GALNTL6: variants seen among roughly 807,000 people sequenced by gnomAD.
The protein encoded by GALNTL6 is polypeptide N-acetylgalactosaminyltransferase like 6, also known as polypeptide N-acetylgalactosaminyltransferase-like 6.
Under a neutral mutation model 73.7 loss-of-function variants are expected in GALNTL6, and 46 were observed. The ratio of observed to expected loss-of-function variants is 0.62; its 90% CI spans 0.49 to 0.80. GALNTL6 has a LOEUF of 0.80. GALNTL6 is among the 30% of genes least tolerant of loss of function. The probability of loss-of-function intolerance (pLI) is 0.00; values close to 1 mark genes in which losing one functional copy is unlikely to be tolerated. For missense variants in GALNTL6, 604 were observed against 755.0 expected (o/e 0.80, Z 2.34); for synonymous variants, 259 against 263.7 (o/e 0.98, Z 0.17).
chr4:171,945,019 A>G (rs543263176), intron 2 of GALNTL6, among the ~76,000 whole-genome samples: 5 of 152,116 alleles, frequency 3.3e-5, no homozygotes, highest in Non-Finnish European at 7.4e-5. Context: ...TGTTTGCTGA[A>G]TCAAAAGTCA....
chr4:172,275,053 A>G (rs1725008036), intron 3 of GALNTL6, among the ~76,000 whole-genome samples: 1 of 152,198 alleles, frequency 6.6e-6, no homozygotes, highest in African/African-American at 2.4e-5. Context: ...AGGTCTGGTC[A>G]TGACATTTTC....
In GALNTL6 at chr4:172,119,088, G is replaced by A. The variant is rs554776386; in HGVS notation, c.139-110568G>A. Among the ~76,000 whole-genome samples the A allele has an allele frequency of 1.1e-4, 16 of 152,194 alleles. No homozygotes were observed. In the South Asian group the frequency reaches 3.3e-3, roughly 32 times the overall value. On this transcript the variant is annotated intron_variant, in intron 2 of 12. Coordinates refer to ENST00000506823, the MANE Select transcript of GALNTL6 (RefSeq NM_001034845.3). ...AAGCATACAGTGGGTTGTGTAAGCA[G>A]TGTGTGAATATTGGTTTCAATATTA...
intron 2 of GALNTL6, among the ~76,000 whole-genome samples, chr4:172,165,180 C>T (rs6829752): frequency 0.43 from 64,876 of 151,872 alleles, 14,679 homozygotes; most frequent in African/African-American, 0.57. Flanking sequence ...TTAATTTGTA[C>T]TGGATTTTAC....
intron 2 of GALNTL6, among the ~76,000 whole-genome samples, chr4:171,889,791 G>A (rs887852351): frequency 3.3e-5 from 5 of 152,154 alleles, no homozygotes; most frequent in African/African-American, 9.6e-5. Flanking sequence ...AGATGCTTTC[G>A]AATAAGTTAT....
chr4:172,009,052 A>T (rs576753771), intron 2 of GALNTL6, among the ~76,000 whole-genome samples: 1 of 152,132 alleles, frequency 6.6e-6, no homozygotes, highest in East Asian at 1.9e-4. Flanking sequence ...AGAAATACTA[A>T]ATTATATTAT....
intron 2 of GALNTL6, among the ~76,000 whole-genome samples, chr4:172,141,913 C>CACACACACA (rs1560939874): frequency 4.9e-5 from 5 of 102,576 alleles, no homozygotes; most frequent in South Asian, 7.7e-4. Context: ...ACACACACAC[C>CACACACACA]CCCCACACTC....
chr4:172,248,679 G>T (rs572385456), intron 3 of GALNTL6, among the ~76,000 whole-genome samples: 3 of 152,060 alleles, frequency 2.0e-5, no homozygotes, highest in Non-Finnish European at 4.4e-5. Context: ...AGAGGGATCC[G>T]GTGGGAGGTA....
At chr4:171,910,847 G>A (rs1737456283) in intron 2 of GALNTL6, among the ~76,000 whole-genome samples, 1 of 152,094 alleles carries the variant, frequency 6.6e-6, no homozygotes, top group Admixed American at 6.5e-5. Context: ...TATATACCAT[G>A]TTAATGGCAT....
chr4:172,792,006 C>T (rs1208572688), intron 5 of GALNTL6, among the ~76,000 whole-genome samples: 2 of 152,172 alleles, frequency 1.3e-5, no homozygotes, highest in African/African-American at 4.8e-5. Context: ...ATCTCACTGC[C>T]TAGAGGGCAT....
At chr4:172,354,954 A>C (rs1045062022) in intron 5 of GALNTL6, among the ~76,000 whole-genome samples, 14 of 152,116 alleles carry the variant, frequency 9.2e-5, no homozygotes, top group African/African-American at 2.9e-4. Flanking sequence ...TCAAGTGTTC[A>C]GGAATGCTAC....
chr4:171,814,951 G>A (rs970084576), intron 2 of GALNTL6: 3 of 566,064 alleles, frequency 5.3e-6, no homozygotes, highest in Admixed American at 3.1e-5. Flanking sequence ...AGGTCAAGAA[G>A]AAGAGAAGAT....
At chr4:172,792,395 T>A (rs1165470163) in intron 5 of GALNTL6, among the ~76,000 whole-genome samples, 1 of 152,132 alleles carries the variant, frequency 6.6e-6, no homozygotes, top group Non-Finnish European at 1.5e-5. Context: ...TGTATAATTC[T>A]ATAAGCCAAA....
chr4:172,038,852 A>G (rs917440620), intron 2 of GALNTL6, among the ~76,000 whole-genome samples: 5 of 152,220 alleles, frequency 3.3e-5, no homozygotes, highest in African/African-American at 1.2e-4. Flanking sequence ...ATTCAAATAG[A>G]ACATAAAATG....
intron 5 of GALNTL6, among the ~76,000 whole-genome samples, chr4:172,628,234 A>G (rs541837429): frequency 6.6e-6 from 1 of 152,198 alleles, no homozygotes; most frequent in South Asian, 2.1e-4. Context: ...GTATTCTTTT[A>G]TATGTACATT....
At position 172,511,717 on chromosome 4, in the gene GALNTL6, T is replaced by C; in HGVS notation, c.553+163028T>C. 3.6e-5 allele frequency among the ~76,000 whole-genome samples: 2 copies of C among 55,522 alleles called. 1 individual carries two copies. The highest frequency in any genetic ancestry group is 0.02 in the Middle Eastern group (2 of 98). The allele number at this position is 55,522 out of a possible 152,430, so 36.4% of individuals were successfully genotyped here. On this transcript the variant is annotated intron_variant, in intron 5 of 12. Transcript: ENST00000506823. Reference sequence around the variant, plus strand: ...GACCCAACAAACATTCTGGAGCAGATTATTTAATTTTCATGGACTTGCATG... The same window carrying C: ...GACCCAACAAACATTCTGGAGCAGACTATTTAATTTTCATGGACTTGCATG...
chr4:172,857,200 A>G (rs186711009), intron 7 of GALNTL6, among the ~76,000 whole-genome samples: 1 of 152,352 alleles, frequency 6.6e-6, no homozygotes, highest in East Asian at 1.9e-4. Context: ...ATGAAATATT[A>G]TAATTACCTT....
At chr4:171,905,563 T>G (rs1303335877) in intron 2 of GALNTL6, among the ~76,000 whole-genome samples, 1 of 150,196 alleles carries the variant, frequency 6.7e-6, no homozygotes, top group African/African-American at 2.5e-5. Flanking sequence ...AACACCCCAC[T>G]GTCAACGTTA....
At chr4:172,237,254 T>C (rs1214422334) in intron 3 of GALNTL6, among the ~76,000 whole-genome samples, 2 of 152,198 alleles carry the variant, frequency 1.3e-5, no homozygotes, top group East Asian at 3.9e-4. Context: ...CTGGGTTGAA[T>C]GGCAGTTCAG....
In GALNTL6 at chr4:171,912,127, A is replaced by G. The variant is rs545130973; in HGVS notation, c.138+97409A>G. Among the ~76,000 whole-genome samples, 24 of 152,284 alleles carry G rather than the reference A, an allele frequency of 1.6e-4. 1 individual carries two copies. The highest frequency in any genetic ancestry group is 5.1e-4 in the African/African-American group (21 of 41,566). ...TCATCATATAATGTTTATTAATAGGACAATCACTAAAGGAAATTAAAGAAA... is the reference window on the plus strand; with the variant it reads ...TCATCATATAATGTTTATTAATAGGGCAATCACTAAAGGAAATTAAAGAAA... On this transcript the variant is annotated intron_variant, in intron 2 of 12. Transcript: ENST00000506823.
Sources: allele counts gnomAD v4.1 joint callset (sites outside exome capture counted in the v4.1 genomes callset), GRCh38; gene constraint gnomAD v4.1.1; transcripts MANE v1.5; gene names NCBI Gene and HGNC (gene_info 2026-07-23, HGNC 2026-07-21).